The following GSG1L variants were observed in gnomAD, a reference collection of about 807,000 sequenced individuals.
The protein encoded by GSG1L is germ cell-specific gene 1-like protein.
A neutral mutation model predicts 42.1 loss-of-function variants in GSG1L; 24 were observed. The observed-to-expected ratio is 0.57, with a 90% CI of 0.41 to 0.80. The LOEUF (loss-of-function observed/expected upper bound fraction) is 0.80, where lower values mean the gene tolerates loss of function less well. Ranked by LOEUF, GSG1L falls within the 30% of genes least tolerant of loss-of-function variation. The pLI is 0.00. For missense variants in GSG1L, 445 were observed against 472.2 expected (o/e 0.94, Z 0.53); for synonymous variants, 215 against 203.5 (o/e 1.06, Z -0.48).
intron 3 of GSG1L, among the ~76,000 whole-genome samples, chr16:27,872,075 A>T (rs1290893938): frequency 6.6e-6 from 1 of 152,208 alleles, no homozygotes; most frequent in Non-Finnish European, 1.5e-5. Context: ...AAGAAAACAG[A>T]TTTTGGCCTT....
Position 28,042,310 on chromosome 16 carries a change from C to T in GSG1L, c.349+20766G>A, listed in dbSNP as rs59131822. Among the ~76,000 whole-genome samples the T allele has an allele frequency of 6.8e-3, 1,030 of 152,132 alleles. 8 individuals are homozygous for T. Among genetic ancestry groups the T allele is most frequent in the African/African-American group, 0.021 (853 of 41,498 alleles). On this transcript the variant is annotated intron_variant, in intron 1 of 6. Coordinates refer to ENST00000447459, the MANE Select transcript of GSG1L (RefSeq NM_001109763.2). The stretch of plus-strand genomic sequence containing the variant: ...AATTAGTCGGGCGTGGTGGTGCACG[C>T]CTATAATCCCAGCTACTCAGGAGGC...
chr16:28,051,618 T>G (rs2086223336), intron 1 of GSG1L, among the ~76,000 whole-genome samples: 1 of 150,158 alleles, frequency 6.7e-6, no homozygotes, highest in African/African-American at 2.5e-5. Context: ...TTGAGGGAAG[T>G]GATGGTGTGG....
At chr16:27,906,007 A>C (rs2084317761) in intron 2 of GSG1L, among the ~76,000 whole-genome samples, 1 of 152,122 alleles carries the variant, frequency 6.6e-6, no homozygotes, top group African/African-American at 2.4e-5. Flanking sequence ...TTGCCAATAT[A>C]AATGGCATTT....
At chr16:27,898,514 T>C (rs1255809609) in intron 2 of GSG1L, among the ~76,000 whole-genome samples, 1 of 151,876 alleles carries the variant, frequency 6.6e-6, no homozygotes, top group Non-Finnish European at 1.5e-5. Context: ...TTTTGTTTTG[T>C]TTACTGTTTG....
intron 1 of GSG1L, among the ~76,000 whole-genome samples, chr16:27,964,647 T>C (rs958646502): frequency 2.6e-5 from 4 of 152,236 alleles, no homozygotes; most frequent in Admixed American, 2.6e-4. Flanking sequence ...GAAGTCATTA[T>C]GTTAAGTGAA....
chr16:27,837,020 A>G (rs979880879), intron 4 of GSG1L, among the ~76,000 whole-genome samples: 1 of 152,166 alleles, frequency 6.6e-6, no homozygotes, highest in Non-Finnish European at 1.5e-5. Context: ...AGTTACTTCC[A>G]GGTAGGGGTA....
At chr16:27,980,402 G>T (rs141807157) in intron 1 of GSG1L, among the ~76,000 whole-genome samples, 1 of 152,168 alleles carries the variant, frequency 6.6e-6, no homozygotes, top group Non-Finnish European at 1.5e-5. Flanking sequence ...GGGGAGAGGC[G>T]GGGAAGGCAG....
chr16:27,986,692 C>T (rs866971993), intron 1 of GSG1L, among the ~76,000 whole-genome samples: 5 of 152,132 alleles, frequency 3.3e-5, no homozygotes, highest in Admixed American at 6.5e-5. Context: ...TTGCACTGTC[C>T]GTGGTGCTTC....
intron 4 of GSG1L, among the ~76,000 whole-genome samples, chr16:27,843,175 C>G (rs2083405902): frequency 6.6e-6 from 1 of 152,176 alleles, no homozygotes; most frequent in African/African-American, 2.4e-5. Flanking sequence ...CCCCAACTAC[C>G]AGCCCCAGAC....
chr16:28,058,640 AC>A (rs10570332), intron 1 of GSG1L, among the ~76,000 whole-genome samples: 26,499 of 141,780 alleles, frequency 0.19, 3,162 homozygotes, highest in African/African-American at 0.24. Flanking sequence ...AAAAAAACAA[AC>A]AAACCATGTC....
chr16:27,923,327 T>C (rs62033480), intron 2 of GSG1L, among the ~76,000 whole-genome samples: 57,782 of 151,798 alleles, frequency 0.38, 11,328 homozygotes, highest in African/African-American at 0.47. Flanking sequence ...CCCAGGAGGA[T>C]CATCCTCACT....
At chr16:28,029,767 A>G (rs891352703) in intron 1 of GSG1L, among the ~76,000 whole-genome samples, 1 of 152,214 alleles carries the variant, frequency 6.6e-6, no homozygotes. Context: ...TGGATGAGCA[A>G]TGAAATCCAA....
chr16:27,934,276 G>A (rs1972654), intron 2 of GSG1L, among the ~76,000 whole-genome samples: 97,165 of 152,058 alleles, frequency 0.64, 31,735 homozygotes, highest in Admixed American at 0.74. Flanking sequence ...AGGCGTGGTG[G>A]CTCACGCCTG....
At chr16:27,930,342 C>T (rs556161223) in intron 2 of GSG1L, among the ~76,000 whole-genome samples, 7 of 152,322 alleles carry the variant, frequency 4.6e-5, no homozygotes, top group Admixed American at 3.9e-4. Flanking sequence ...ACCATCCCAG[C>T]GAGGCCCCCC....
chr16:27,807,655 G>A, intron 5 of GSG1L, 101 bp from the exon 6 acceptor site: 1 of 978,440 alleles, frequency 1.0e-6, no homozygotes, highest in Non-Finnish European at 1.5e-6. Flanking sequence ...CCCCCCTCTG[G>A]AGAATATTTT....
At chr16:27,947,540 G>T (rs12927644) in intron 2 of GSG1L, among the ~76,000 whole-genome samples, 5 of 97,094 alleles carry the variant, frequency 5.1e-5, no homozygotes, top group Admixed American at 2.2e-4. Context: ...AAAGAATGAA[G>T]GAAAGAAAGA....
chr16:27,969,586 T>C (rs1217436712), intron 1 of GSG1L, among the ~76,000 whole-genome samples: 1 of 152,198 alleles, frequency 6.6e-6, no homozygotes, highest in Non-Finnish European at 1.5e-5. Flanking sequence ...TATTACATGA[T>C]GTGGATATAC....
intron 1 of GSG1L, among the ~76,000 whole-genome samples, chr16:28,049,541 G>A (rs1204619068): frequency 1.3e-5 from 2 of 151,958 alleles, no homozygotes; most frequent in Middle Eastern, 3.4e-3. Flanking sequence ...TTAAAAATTA[G>A]GTGGGCATGG....
intron 4 of GSG1L, among the ~76,000 whole-genome samples, chr16:27,839,073 A>C (rs1200788772): frequency 6.6e-6 from 1 of 152,200 alleles, no homozygotes; most frequent in African/African-American, 2.4e-5. Context: ...AATACCAGCT[A>C]ACCCCTCCAG....
Sources: gnomAD v4.1 joint callset for allele counts (sites outside exome capture counted in the v4.1 genomes callset) on GRCh38, gnomAD v4.1.1 for gene constraint, MANE v1.5 for transcripts, NCBI Gene and HGNC (gene_info 2026-07-23, HGNC 2026-07-21) for gene names.